The following UGT2B7 variants were observed in gnomAD, a reference collection of about 807,000 sequenced individuals.
UGT2B7 encodes the protein UDP-glucuronosyltransferase 2B7.
Under a neutral mutation model 51.9 loss-of-function variants are expected in UGT2B7, and 51 were observed. That is an observed-to-expected ratio of 0.98 (90% CI 0.78 to 1.24). The LOEUF (loss-of-function observed/expected upper bound fraction) is 1.24, where lower values mean the gene tolerates loss of function less well. Ranked by LOEUF, UGT2B7 falls within the 50% of genes most tolerant of loss-of-function variation. The pLI, the probability that UGT2B7 is intolerant of heterozygous loss-of-function variation, is 0.00. For missense variants in UGT2B7, 727 were observed against 628.4 expected, an observed-to-expected ratio of 1.16 and a Z score of -1.68; for synonymous variants, 225 against 211.6, an observed-to-expected ratio of 1.06 and a Z score of -0.55.
At chr4:69,088,039 A>C (rs962812579) in intron 1 of UGT2B7, among the ~76,000 whole-genome samples, 1 of 151,848 alleles carries the variant, frequency 6.6e-6, no homozygotes, top group Admixed American at 6.6e-5. Context: ...TTTATTTCTT[A>C]TCTCCTTTAA....
intron 1 of UGT2B7, among the ~76,000 whole-genome samples, chr4:69,079,213 G>A (rs1008785557): frequency 6.6e-6 from 1 of 152,182 alleles, no homozygotes; most frequent in Non-Finnish European, 1.5e-5. Context: ...TGGGACAACA[G>A]GAAGCTGCAC....
At chr4:69,102,585 T>TACACAC (rs1385354354) in intron 2 of UGT2B7, among the ~76,000 whole-genome samples, 1 of 152,092 alleles carries the variant, frequency 6.6e-6, no homozygotes, top group African/African-American at 2.4e-5. Flanking sequence ...TACATACACA[T>TACACAC]ACACACATAT....
chr4:69,093,116 T>C (rs1053909828), upstream of UGT2B7, among the ~76,000 whole-genome samples: 1 of 148,780 alleles, frequency 6.7e-6, no homozygotes, highest in Admixed American at 6.7e-5. Flanking sequence ...TCCCAGGGAG[T>C]TTTCAAATCT....
At chr4:69,071,442 A>T (rs1425606700) in intron 1 of UGT2B7, among the ~76,000 whole-genome samples, 1 of 152,150 alleles carries the variant, frequency 6.6e-6, no homozygotes, top group Non-Finnish European at 1.5e-5. Flanking sequence ...TAAATGGCAA[A>T]AGCTCTCCAA....
chr4:69,077,294 GTA>G (rs1348208395), intron 1 of UGT2B7, among the ~76,000 whole-genome samples: 3 of 95,198 alleles, frequency 3.2e-5, no homozygotes, highest in Non-Finnish European at 5.8e-5. Context: ...GAAGTTTAAA[GTA>G]TTTTTTTTTT....
At chr4:69,102,044 A>G (rs1426773041) in intron 2 of UGT2B7, among the ~76,000 whole-genome samples, 3 of 152,178 alleles carry the variant, frequency 2.0e-5, no homozygotes, top group Non-Finnish European at 4.4e-5. Flanking sequence ...CACCTAAAGA[A>G]TCACCTGAAA....
intron 1 of UGT2B7, among the ~76,000 whole-genome samples, chr4:69,078,121 A>G (rs1051687420): frequency 6.6e-6 from 1 of 151,846 alleles, no homozygotes; most frequent in South Asian, 2.1e-4. Context: ...TGCATGTTGA[A>G]CCAGTCTTGC....
intron 1 of UGT2B7, among the ~76,000 whole-genome samples, chr4:69,069,209 T>G (rs1019715623): frequency 2.0e-5 from 3 of 152,040 alleles, no homozygotes; most frequent in African/African-American, 7.2e-5. Context: ...TAATACCAAC[T>G]CTTGGTCAGC....
At chr4:69,059,512 T>C (rs145603060) in intron 1 of UGT2B7, among the ~76,000 whole-genome samples, 49 of 152,270 alleles carry the variant, frequency 3.2e-4, no homozygotes, top group Non-Finnish European at 6.0e-4. Context: ...ATAGAGGCTA[T>C]ATGCAAAAAA....
intron 1 of UGT2B7, 91 bp from the exon 2 acceptor site, chr4:69,098,449 A>AT (rs1719311087): frequency 2.1e-6 from 3 of 1,456,742 alleles, no homozygotes; most frequent in South Asian, 1.3e-5. Context: ...ATTTGCCTAC[A>AT]TTTTTGCCTA....
upstream of UGT2B7, among the ~76,000 whole-genome samples, chr4:69,095,220 C>A (rs553979753): frequency 6.6e-6 from 1 of 152,248 alleles, no homozygotes; most frequent in East Asian, 1.9e-4. Flanking sequence ...AGAAGAGAAC[C>A]CTAAATCCAG....
chr4:69,061,414 G>A (rs756344913), intron 1 of UGT2B7, among the ~76,000 whole-genome samples: 2 of 152,210 alleles, frequency 1.3e-5, no homozygotes, highest in Non-Finnish European at 2.9e-5. Context: ...GGCAGACAAA[G>A]AGGCAAAGCA....
chr4:69,058,053 T>A (rs6600866), intron 1 of UGT2B7, among the ~76,000 whole-genome samples: 93,355 of 152,018 alleles, frequency 0.61, 30,175 homozygotes, highest in African/African-American at 0.8. Flanking sequence ...AAGCCGAGAG[T>A]AATCAGCTGT....
chr4:69,059,340 A>G (rs1157097162), intron 1 of UGT2B7, among the ~76,000 whole-genome samples: 2 of 152,220 alleles, frequency 1.3e-5, no homozygotes, highest in Admixed American at 6.5e-5. Flanking sequence ...TGAGAAGTCC[A>G]ACCTGAATTC....
intron 1 of UGT2B7, among the ~76,000 whole-genome samples, chr4:69,075,101 G>T (rs892567662): frequency 1.3e-5 from 2 of 152,058 alleles, no homozygotes; most frequent in African/African-American, 4.8e-5. Flanking sequence ...GGATTTTATT[G>T]TGTTTTTAAT....
At chr4:69,066,466 A>G (rs1053763774) in intron 1 of UGT2B7, 1 of 152,160 alleles carries the variant, frequency 6.6e-6, no homozygotes, top group Non-Finnish European at 1.5e-5. Flanking sequence ...TGGGTAGTCC[A>G]GAATGACCTT....
At chr4:69,071,209 T>G (rs1024179467) in intron 1 of UGT2B7, among the ~76,000 whole-genome samples, 1 of 152,100 alleles carries the variant, frequency 6.6e-6, no homozygotes, top group Non-Finnish European at 1.5e-5. Flanking sequence ...TTACATGATT[T>G]CTCTCTTGAA....
rs956342731 is a variant in UGT2B7, at chr4:69,064,056, G to T, written c.-159+12454G>T. 3.1e-5 allele frequency among the ~76,000 whole-genome samples: 3 copies of T among 97,500 alleles called. No homozygotes were observed. The East Asian group carries it at 9.0e-4, about 29-fold the overall frequency. 64.0% of individuals were successfully genotyped at this position (97,500 alleles called of 152,430 possible). ...AGAAAGAAAGAAAGAAAGAAAGAAAGAAAGAAAGAAAGAAAGAAAGAAAGA... is the reference window on the plus strand; with the variant it reads ...AGAAAGAAAGAAAGAAAGAAAGAAATAAAGAAAGAAAGAAAGAAAGAAAGA... On this transcript the variant is annotated intron_variant, in intron 1 of 5. Coordinates refer to the UGT2B7 transcript ENST00000502942.
upstream of UGT2B7, among the ~76,000 whole-genome samples, chr4:69,095,279 G>A (rs1448074953): frequency 1.3e-5 from 2 of 152,164 alleles, no homozygotes; most frequent in Non-Finnish European, 2.9e-5. Context: ...CATAGATGGT[G>A]ATAGGCTGGA....
Sources: gnomAD v4.1 joint callset for allele counts (sites outside exome capture counted in the v4.1 genomes callset) on GRCh38, gnomAD v4.1.1 for gene constraint, MANE v1.5 for transcripts, NCBI Gene and HGNC (gene_info 2026-07-23, HGNC 2026-07-21) for gene names.